The following GSG1L2 variants were observed in gnomAD, a reference collection of about 807,000 sequenced individuals.
GSG1L2 encodes the protein GSG1 like 2.
A neutral mutation model predicts 9.0 loss-of-function variants in GSG1L2; 15 were observed. That is an observed-to-expected ratio of 1.67 (90% confidence interval 1.12 to 2.57). The LOEUF (loss-of-function observed/expected upper bound fraction) is 2.57. Among genes scored for constraint, GSG1L2 ranks in the 30% most tolerant of loss-of-function variants. The pLI, the probability that GSG1L2 is intolerant of heterozygous loss-of-function variation, is 0.00. For synonymous variants in GSG1L2, 127 were observed against 57.9 expected, an observed-to-expected ratio of 2.19 and a Z score of -5.41; for missense variants, 286 against 150.3, an observed-to-expected ratio of 1.90 and a Z score of -4.72.
intron 4 of GSG1L2, among the ~76,000 whole-genome samples, chr17:9,803,103 T>C (rs942608488): frequency 1.0e-5 from 1 of 100,422 alleles, no homozygotes; most frequent in Non-Finnish European, 2.0e-5. Flanking sequence ...GTCATTACTT[T>C]TTTTTTTTTT....
At chr17:9,819,246 C>G (rs1477896100) in intron 1 of GSG1L2, among the ~76,000 whole-genome samples, 1 of 152,152 alleles carries the variant, frequency 6.6e-6, no homozygotes, top group Non-Finnish European at 1.5e-5. Context: ...ACCACAGCAC[C>G]TACTTTGATG....
In GSG1L2 at chr17:9,813,223, G is replaced by A. The variant is rs142435319; in HGVS notation, c.311-2605C>T. Reference sequence around the variant, plus strand: ...CATGCTCGTGAATTTCCAAGTGCCCGTAGGCCTCATTCCTTCACACTTCTG... The same window carrying A: ...CATGCTCGTGAATTTCCAAGTGCCCATAGGCCTCATTCCTTCACACTTCTG... On this transcript the variant is annotated intron_variant, in intron 1 of 4. Coordinates refer to ENST00000399363, the MANE Select transcript of GSG1L2 (RefSeq NM_001310219.2). Among the ~76,000 whole-genome samples, 7 of 152,292 alleles carry A rather than the reference G, an allele frequency of 4.6e-5. No homozygotes were observed. In the East Asian group the frequency reaches 5.8e-4, roughly 13 times the overall value.
intron 1 of GSG1L2, among the ~76,000 whole-genome samples, chr17:9,818,936 T>G (rs1471282342): frequency 1.3e-5 from 2 of 152,176 alleles, no homozygotes; most frequent in Non-Finnish European, 2.9e-5. Flanking sequence ...GCACTGGGGC[T>G]TACTCACCTT....
At chr17:9,813,358 C>T (rs1259213806) in intron 1 of GSG1L2, among the ~76,000 whole-genome samples, 1 of 152,142 alleles carries the variant, frequency 6.6e-6, no homozygotes, top group African/African-American at 2.4e-5. Context: ...GAATGCGCAG[C>T]CAGGGATTCG....
chr17:9,817,123 A>AT (rs1221180492), intron 1 of GSG1L2, among the ~76,000 whole-genome samples: 14 of 151,814 alleles, frequency 9.2e-5, no homozygotes, highest in Non-Finnish European at 1.6e-4. Context: ...CTGAGTGACA[A>AT]TTTTTTATCA....
chr17:9,814,124 C>A (rs1275600255), intron 1 of GSG1L2, among the ~76,000 whole-genome samples: 7 of 152,128 alleles, frequency 4.6e-5, no homozygotes, highest in Non-Finnish European at 7.4e-5. Context: ...TTAGTAGAGA[C>A]AGGGTTTCAC....
At chr17:9,814,730 A>C (rs1597943608) in intron 1 of GSG1L2, among the ~76,000 whole-genome samples, 1 of 152,324 alleles carries the variant, frequency 6.6e-6, no homozygotes, top group Admixed American at 6.5e-5. Context: ...TTCAGCAGCC[A>C]AGCAGGACAG....
intron 1 of GSG1L2, among the ~76,000 whole-genome samples, chr17:9,811,611 C>T (rs1367022107): frequency 6.6e-6 from 1 of 152,208 alleles, no homozygotes; most frequent in African/African-American, 2.4e-5. Flanking sequence ...GTGTCCTGCA[C>T]TCTCTCTACT....
intron 1 of GSG1L2, among the ~76,000 whole-genome samples, chr17:9,816,449 T>C (rs2066561078): frequency 7.0e-6 from 1 of 142,426 alleles, no homozygotes; most frequent in Admixed American, 6.9e-5. Flanking sequence ...TGTGTGCGTG[T>C]GTCTGTGTGT....
At chr17:9,811,656 G>T (rs1480898584) in intron 1 of GSG1L2, among the ~76,000 whole-genome samples, 3 of 152,148 alleles carry the variant, frequency 2.0e-5, no homozygotes, top group African/African-American at 7.2e-5. Flanking sequence ...ATAGACTGTC[G>T]AGTGGGAGGA....
intron 1 of GSG1L2, among the ~76,000 whole-genome samples, chr17:9,813,726 G>C (rs983623549): frequency 1.3e-5 from 2 of 152,162 alleles, no homozygotes; most frequent in African/African-American, 4.8e-5. Context: ...TGGCGAGTCA[G>C]GCCAGCATGT....
chr17:9,817,179 T>C (rs1421659581), intron 1 of GSG1L2, among the ~76,000 whole-genome samples: 1 of 152,188 alleles, frequency 6.6e-6, no homozygotes, highest in African/African-American at 2.4e-5. Flanking sequence ...AGTGTTTGTG[T>C]GACTACGGCT....
In GSG1L2 at chr17:9,807,426, G is replaced by A. The variant is rs990241678; in HGVS notation, c.623+64C>T. ...CAAGGTTGGTCATCCTACAAAACAT[G>A]TGTATGTTTATGTGCATCTCTCCTG... On this transcript the variant is annotated intron_variant, in intron 4 of 4. Transcript: ENST00000399363. 2.9e-6 allele frequency: 2 copies of A among 699,778 alleles called. 1 individual carries two copies. Among genetic ancestry groups the A allele is most frequent in the South Asian group, 3.0e-5 (2 of 67,166 alleles). The allele number at this position is 699,778 out of a possible 1,614,324, so 43.3% of individuals were successfully genotyped here.
Position 9,809,156 on chromosome 17 carries a change from G to C in GSG1L2, c.359-174C>G, listed in dbSNP as rs188519579. The C allele has an allele frequency of 1.6e-3, 938 of 599,206 alleles. 16 individuals carry two copies. Among genetic ancestry groups the C allele is most frequent in the South Asian group, 0.011 (550 of 51,424 alleles). The allele number at this position is 599,206 out of a possible 1,614,324, so 37.1% of individuals were successfully genotyped here. A position where few individuals can be genotyped will look rare whatever the true frequency, so the allele number is the denominator to read the frequency against. On this transcript the variant is annotated intron_variant, in intron 2 of 4. Transcript: ENST00000399363. ...GCTGGCAATGGAAAGGCACTCCTCAGGGCTGAAAGAGACGGTTGTAGGGAT... is the reference window on the plus strand; with the variant it reads ...GCTGGCAATGGAAAGGCACTCCTCACGGCTGAAAGAGACGGTTGTAGGGAT...
intron 2 of GSG1L2, chr17:9,810,279 A>T (rs2066534119): frequency 2.0e-6 from 1 of 495,634 alleles, no homozygotes; most frequent in African/African-American, 1.9e-5. Flanking sequence ...TGAGAGCTGC[A>T]TTCATCTTGC....
intron 4 of GSG1L2, among the ~76,000 whole-genome samples, chr17:9,803,006 A>G (rs914930073): frequency 3.3e-5 from 5 of 152,046 alleles, no homozygotes; most frequent in Admixed American, 2.6e-4. Context: ...ATGCGTGGGA[A>G]GTATTAATAC....
At chr17:9,816,007 C>T (rs1448217872) in intron 1 of GSG1L2, among the ~76,000 whole-genome samples, 1 of 152,250 alleles carries the variant, frequency 6.6e-6, no homozygotes, top group South Asian at 2.1e-4. Context: ...AATGTTAGCA[C>T]GCTCAGCACC....
At chr17:9,821,410 C>T (rs34098985) in intron 1 of GSG1L2, among the ~76,000 whole-genome samples, 23,560 of 143,586 alleles carry the variant, frequency 0.16, 2,337 homozygotes, top group East Asian at 0.32. Flanking sequence ...CAAGAACAAA[C>T]GAGAAACTAA....
rs2066497160 is a variant in GSG1L2 at position 9,801,634 on chromosome 17, A to C, written c.*752T>G. Among the ~76,000 whole-genome samples the C allele has an allele frequency of 1.3e-5, 2 of 152,246 alleles. No individual in the cohort carries two copies. The highest frequency in any genetic ancestry group is 4.8e-5 in the African/African-American group (2 of 41,470). ...CAGATGACTGTATTAGGAATCCTGC[A>C]GCCCACCACTGCCTCCAACAAGACC... On this transcript the variant is annotated 3_prime_UTR_variant, in exon 5 of 5. Coordinates refer to ENST00000399363, the MANE Select transcript of GSG1L2 (RefSeq NM_001310219.2).
Sources: gnomAD v4.1 joint callset for allele counts (sites outside exome capture counted in the v4.1 genomes callset) on GRCh38, gnomAD v4.1.1 for gene constraint, MANE v1.5 for transcripts, NCBI Gene and HGNC (gene_info 2026-07-23, HGNC 2026-07-21) for gene names.